MDGA2: variants seen among roughly 807,000 people sequenced by gnomAD.
MDGA2 encodes the protein MAM domain containing glycosylphosphatidylinositol anchor 2.
MDGA2 carries 40 observed loss-of-function variants against 117.8 expected under a neutral mutation model. The observed-to-expected ratio is 0.34, with a 90% CI of 0.26 to 0.44. The LOEUF (loss-of-function observed/expected upper bound fraction) is 0.44, where lower values mean the gene tolerates loss of function less well. MDGA2 is among the 20% of genes least tolerant of loss of function. The pLI is 1.00. For missense variants in MDGA2, 1,123 were observed against 1,250.6 expected, an observed-to-expected ratio of 0.90 and a Z score of 1.54; for synonymous variants, 452 against 439.0, an observed-to-expected ratio of 1.03 and a Z score of -0.37.
chr14:47,654,216 G>C (rs949544867), intron 1 of MDGA2, among the ~76,000 whole-genome samples: 2 of 152,106 alleles, frequency 1.3e-5, no homozygotes, highest in African/African-American at 4.8e-5. Flanking sequence ...TCAGCTACAT[G>C]AAAGTAAGGG....
chr14:47,505,768 T>C (rs927690614), intron 1 of MDGA2, among the ~76,000 whole-genome samples: 10 of 152,320 alleles, frequency 6.6e-5, no homozygotes, highest in Admixed American at 3.9e-4. Context: ...AATTTATCTA[T>C]GGAATAATTC....
chr14:47,575,327 T>A (rs2138829513), intron 1 of MDGA2, among the ~76,000 whole-genome samples: 1 of 152,290 alleles, frequency 6.6e-6, no homozygotes, highest in South Asian at 2.1e-4. Context: ...TGAACAGCTT[T>A]CATATAAAAT....
chr14:47,160,964 GA>G (rs1339058345), intron 3 of MDGA2, among the ~76,000 whole-genome samples: 1 of 152,058 alleles, frequency 6.6e-6, no homozygotes, highest in Non-Finnish European at 1.5e-5. Context: ...TTAATTTTGT[GA>G]TCTCTCCTTT....
At chr14:46,845,646 A>C (rs893856771) in intron 16 of MDGA2, 120 bp downstream of exon 16, 9 of 605,752 alleles carry the variant, frequency 1.5e-5, no homozygotes, top group African/African-American at 3.7e-5. Context: ...ACATATAAGA[A>C]ATTTCTAAAT....
chr14:47,156,755 G>A (rs1239937672), intron 3 of MDGA2, among the ~76,000 whole-genome samples: 1 of 152,110 alleles, frequency 6.6e-6, no homozygotes, highest in Non-Finnish European at 1.5e-5. Context: ...GAAAGTTCCA[G>A]AAATCTTAAA....
chr14:47,285,650 G>A (rs1888646150), intron 2 of MDGA2, among the ~76,000 whole-genome samples: 2 of 152,030 alleles, frequency 1.3e-5, no homozygotes, highest in Non-Finnish European at 2.9e-5. Context: ...TCCAAGCTGG[G>A]TAGTAAAATA....
intron 1 of MDGA2, among the ~76,000 whole-genome samples, chr14:47,522,038 TTAATA>T (rs1289009127): frequency 6.6e-6 from 1 of 152,156 alleles, no homozygotes; most frequent in East Asian, 1.9e-4. Context: ...CTTCTAGTTC[TTAATA>T]TATTAAGCCC....
intron 1 of MDGA2, among the ~76,000 whole-genome samples, chr14:47,324,463 T>A (rs1307353099): frequency 6.6e-6 from 1 of 152,018 alleles, no homozygotes; most frequent in Admixed American, 6.6e-5. Flanking sequence ...AACTCAGAAC[T>A]TTTTTTTCTT....
intron 2 of MDGA2, among the ~76,000 whole-genome samples, chr14:47,283,180 A>G (rs764608410): frequency 5.5e-4 from 83 of 152,108 alleles, no homozygotes; most frequent in Non-Finnish European, 9.7e-4. Flanking sequence ...TAGGGAAAGA[A>G]ATAGAAAGCA....
intron 2 of MDGA2, among the ~76,000 whole-genome samples, chr14:47,225,773 A>T (rs113479830): frequency 3.3e-5 from 5 of 152,096 alleles, no homozygotes; most frequent in Admixed American, 6.6e-5. Context: ...GTAACTAACC[A>T]GCACATTGTG....
intron 7 of MDGA2, among the ~76,000 whole-genome samples, chr14:47,046,463 G>C (rs555425274): frequency 6.6e-6 from 1 of 151,642 alleles, no homozygotes; most frequent in African/African-American, 2.4e-5. Context: ...GGGGTTGGGG[G>C]AGAGGGGAGG....
At chr14:47,520,945 G>A (rs575795489) in intron 1 of MDGA2, among the ~76,000 whole-genome samples, 55 of 152,274 alleles carry the variant, frequency 3.6e-4, no homozygotes, top group Non-Finnish European at 7.2e-4. Flanking sequence ...AGTACAGGAT[G>A]AATTTCAACT....
chr14:47,341,590 CT>C (rs1406044847), intron 1 of MDGA2, among the ~76,000 whole-genome samples: 1 of 152,084 alleles, frequency 6.6e-6, no homozygotes, highest in African/African-American at 2.4e-5. Context: ...ATAATATTTT[CT>C]TTGATAATAC....
intron 1 of MDGA2, among the ~76,000 whole-genome samples, chr14:47,605,189 AT>A (rs1279318121): frequency 6.6e-6 from 1 of 151,778 alleles, no homozygotes; most frequent in African/African-American, 2.4e-5. Context: ...TTGGCAAATC[AT>A]TTTTTTTCAA....
intron 5 of MDGA2, among the ~76,000 whole-genome samples, chr14:47,102,384 CACACACACAA>C (rs1037634679): frequency 6.7e-6 from 1 of 149,232 alleles, no homozygotes; most frequent in African/African-American, 2.5e-5. Flanking sequence ...CACACACACA[CACACACACAA>C]ACACACACAC....
chr14:47,267,528 G>A (rs1447601538), intron 2 of MDGA2, among the ~76,000 whole-genome samples: 1 of 151,546 alleles, frequency 6.6e-6, no homozygotes, highest in African/African-American at 2.4e-5. Context: ...TAATTTCTCA[G>A]GTCACGAATG....
At chr14:47,338,364 C>T (rs1177207387) in intron 1 of MDGA2, among the ~76,000 whole-genome samples, 2 of 151,830 alleles carry the variant, frequency 1.3e-5, no homozygotes, top group African/African-American at 2.4e-5. Context: ...ATGCTAAAAA[C>T]ACAAAAGGTC....
rs138008180 is a variant in MDGA2, at chr14:47,275,424, A to G, written c.420+25987T>C. On this transcript the variant is annotated intron_variant, in intron 2 of 16. Coordinates refer to ENST00000399232, the MANE Select transcript of MDGA2 (RefSeq NM_001113498.3). ...GTTGAAAGAGTATATGTGCTGAAAG[A>G]AGGCCAATGTAATATAAACATTTAA... Among the ~76,000 whole-genome samples the G allele has an allele frequency of 2.1e-3, 320 of 152,316 alleles. 1 individual carries two copies. Among genetic ancestry groups the G allele is most frequent in the South Asian group, 6.2e-3 (30 of 4,824 alleles).
chr14:47,213,514 AC>A (rs1885961702), intron 3 of MDGA2, among the ~76,000 whole-genome samples: 1 of 152,134 alleles, frequency 6.6e-6, no homozygotes, highest in African/African-American at 2.4e-5. Flanking sequence ...TTTAAAAAAA[AC>A]GTCATTTTGA....
Sources: gnomAD v4.1 joint callset for allele counts (sites outside exome capture counted in the v4.1 genomes callset) on GRCh38, gnomAD v4.1.1 for gene constraint, MANE v1.5 for transcripts, NCBI Gene and HGNC (gene_info 2026-07-23, HGNC 2026-07-21) for gene names.